The following TENM4 variants were observed in gnomAD, a reference collection of about 807,000 sequenced individuals.
TENM4 encodes the protein teneurin transmembrane protein 4.
Under a neutral mutation model 243.3 loss-of-function variants are expected in TENM4, and 82 were observed. That is an observed-to-expected ratio of 0.34 (90% CI 0.28 to 0.40). The LOEUF is 0.40. TENM4 is among the 10% of genes least tolerant of loss of function. The pLI, the probability that TENM4 is intolerant of heterozygous loss-of-function variation, is 1.00. For missense variants in TENM4, 3,138 were observed against 3,673.3 expected (o/e 0.85, Z 3.77); for synonymous variants, 1,412 against 1,456.3 (o/e 0.97, Z 0.69).
intron 17 of TENM4, among the ~76,000 whole-genome samples, chr11:78,775,214 G>A (rs1214487322): frequency 1.3e-5 from 2 of 152,210 alleles, no homozygotes; most frequent in Admixed American, 1.3e-4. Flanking sequence ...AGTAACCTGT[G>A]TAATATTCCA....
chr11:78,832,654 A>G (rs1013403632), intron 12 of TENM4, among the ~76,000 whole-genome samples: 5 of 152,234 alleles, frequency 3.3e-5, no homozygotes, highest in Non-Finnish European at 5.9e-5. Flanking sequence ...TGCTCTGAAC[A>G]CTTTGCATGT....
chr11:79,058,807 G>C (rs2136963508), intron 6 of TENM4, among the ~76,000 whole-genome samples: 1 of 152,260 alleles, frequency 6.6e-6, no homozygotes, highest in Middle Eastern at 3.4e-3. Flanking sequence ...TGGGAGCCTG[G>C]GGGCAAGCAG....
At chr11:78,677,002 C>T (rs188987559) in intron 29 of TENM4, among the ~76,000 whole-genome samples, 34 of 152,214 alleles carry the variant, frequency 2.2e-4, no homozygotes, top group Admixed American at 2.2e-3. Context: ...GGAGCAGCTG[C>T]GAATGGGTAT....
chr11:79,116,382 C>T (rs952638544), intron 4 of TENM4, among the ~76,000 whole-genome samples: 7 of 152,178 alleles, frequency 4.6e-5, no homozygotes, highest in Middle Eastern at 3.2e-3. Flanking sequence ...TTCAGGACTT[C>T]GGCACCACAG....
At chr11:78,817,790 A>G (rs1857640073) in intron 12 of TENM4, among the ~76,000 whole-genome samples, 1 of 152,154 alleles carries the variant, frequency 6.6e-6, no homozygotes, top group Admixed American at 6.5e-5. Flanking sequence ...CCTGCTACTG[A>G]GTGGTTGTGA....
At chr11:78,822,973 G>A (rs868812833) in intron 12 of TENM4, among the ~76,000 whole-genome samples, 8 of 152,180 alleles carry the variant, frequency 5.3e-5, no homozygotes, top group African/African-American at 1.9e-4. Flanking sequence ...CTTGATGGGA[G>A]CCTCAAGCGG....
chr11:78,758,414 G>A (rs1370950021), intron 18 of TENM4, among the ~76,000 whole-genome samples: 1 of 152,206 alleles, frequency 6.6e-6, no homozygotes, highest in Non-Finnish European at 1.5e-5. Flanking sequence ...GTGTGCTATG[G>A]TAGGAGGACC....
At chr11:79,196,260 C>T (rs1863625336) in intron 3 of TENM4, among the ~76,000 whole-genome samples, 1 of 152,204 alleles carries the variant, frequency 6.6e-6, no homozygotes, top group East Asian at 1.9e-4. Context: ...ATAGCACCAA[C>T]CTGAGCCCAA....
At chr11:79,078,945 C>T (rs7118213) in intron 4 of TENM4, among the ~76,000 whole-genome samples, 1 of 152,230 alleles carries the variant, frequency 6.6e-6, no homozygotes, top group South Asian at 2.1e-4. Flanking sequence ...TTCCTGCATA[C>T]GTCATTCTAT....
intron 3 of TENM4, among the ~76,000 whole-genome samples, chr11:79,198,790 G>A (rs969837976): frequency 2.6e-5 from 4 of 152,204 alleles, no homozygotes; most frequent in South Asian, 2.1e-4. Context: ...CTGCCCTTGC[G>A]GAGCTTTCCT....
intron 12 of TENM4, among the ~76,000 whole-genome samples, chr11:78,820,582 G>T (rs188793220): frequency 6.6e-6 from 1 of 152,308 alleles, no homozygotes; most frequent in African/African-American, 2.4e-5. Flanking sequence ...TGGTATTTTG[G>T]TTTTAAGGAA....
In TENM4 at chr11:78,732,298, A is replaced by G. The variant is rs1855688009; in HGVS notation, c.3138+18T>C. 6.3e-7 allele frequency: 1 copy of G among 1,579,316 alleles called. No individual in the cohort carries two copies. The highest frequency in any genetic ancestry group is 8.6e-7 in the Non-Finnish European group (1 of 1,160,016). On this transcript the variant is annotated intron_variant, in intron 21 of 33. Coordinates refer to ENST00000278550, the MANE Select transcript of TENM4 (RefSeq NM_001098816.3). ...TGAAATAAAAGCATGGTGGAATGCA[A>G]TTAGGAAAGCTGGGTACCTGAATTT... is the stretch of plus-strand genomic sequence containing the variant.
At chr11:79,007,606 G>T (rs750943037) in intron 6 of TENM4, among the ~76,000 whole-genome samples, 1 of 152,148 alleles carries the variant, frequency 6.6e-6, no homozygotes, top group Admixed American at 6.5e-5. Flanking sequence ...AGTAAGGCAG[G>T]CTCCTTCCAG....
At chr11:78,828,564 T>C (rs1176030302) in intron 12 of TENM4, among the ~76,000 whole-genome samples, 1 of 152,250 alleles carries the variant, frequency 6.6e-6, no homozygotes, top group Non-Finnish European at 1.5e-5. Flanking sequence ...TTCTTATTTA[T>C]CTACTAGGTA....
chr11:79,198,188 G>A (rs1863671563), intron 3 of TENM4, among the ~76,000 whole-genome samples: 1 of 152,218 alleles, frequency 6.6e-6, no homozygotes, highest in South Asian at 2.1e-4. Flanking sequence ...TTTCTGTGAG[G>A]ACAGCCTCCT....
rs777849950 is a variant in TENM4 at position 78,854,251 on chromosome 11, C to T, written c.1534G>A (p.Gly512Arg). ...GTTCCCCGAGACTGGCGCGGGGTCC[C>T]CTCTAGGCTCCGCGCCTCCTGGGTT... ...LLTQEARSLEGTPRQSRGTVP... is the reference protein window; with the variant it reads ...LLTQEARSLERTPRQSRGTVP... The change falls in exon 12 of 34, where the codon GGG becomes AGG. Residue 512 changes from glycine to arginine, a missense_variant. Physicochemically the swap from Gly to Arg is moderately radical, Grantham distance 125. Transcript: ENST00000278550. 1.3e-6 allele frequency: 2 copies of T among 1,547,488 alleles called. No individual in the cohort carries two copies. Among genetic ancestry groups the T allele is most frequent in the South Asian group, 2.4e-5 (2 of 83,546 alleles).
At chr11:79,296,575 A>G (rs2135390802) in intron 2 of TENM4, among the ~76,000 whole-genome samples, 1 of 152,300 alleles carries the variant, frequency 6.6e-6, no homozygotes, top group Middle Eastern at 3.4e-3. Context: ...CCAACATGAT[A>G]CTCACTGCCA....
At chr11:78,863,761 A>G (rs1858886747) in intron 9 of TENM4, among the ~76,000 whole-genome samples, 1 of 152,228 alleles carries the variant, frequency 6.6e-6, no homozygotes, top group African/African-American at 2.4e-5. Context: ...AAATCTATGG[A>G]GGGCAATTTG....
chr11:78,805,447 C>A lies in TENM4; in HGVS notation c.2024G>T (p.Arg675Ile). Residue 675 changes from arginine (R) to isoleucine (I), a missense_variant, in exon 15 of 34, where the codon AGA becomes ATA. Transcript: ENST00000278550. ...PTCSGRGVCV[R>I]GECHCSVGWG... ...TCCCACAGAGCAGTGGCATTCGCCT[C>A]TCACGCAGACACCCCGGCCTGAACA... 6.3e-7 allele frequency: 1 copy of A among 1,596,862 alleles called. No individual in the cohort carries two copies. Among genetic ancestry groups the A allele is most frequent in the East Asian group, 2.3e-5 (1 of 43,968 alleles).
Sources: gnomAD v4.1 joint callset for allele counts (sites outside exome capture counted in the v4.1 genomes callset) on GRCh38, gnomAD v4.1.1 for gene constraint, MANE v1.5 for transcripts, NCBI Gene and HGNC (gene_info 2026-07-23, HGNC 2026-07-21) for gene names.